LDB2: variants seen among roughly 807,000 people sequenced by gnomAD.
LDB2 encodes LIM domain binding 2.
A neutral mutation model predicts 44.3 loss-of-function variants in LDB2; 12 were observed. The ratio of observed to expected loss-of-function variants is 0.27; its 90% CI spans 0.17 to 0.44. LDB2 has a LOEUF of 0.44. Ranked by LOEUF, LDB2 falls within the 20% of genes least tolerant of loss-of-function variation. The probability of loss-of-function intolerance (pLI) is 1.00; values close to 1 mark genes in which losing one functional copy is unlikely to be tolerated. For missense variants in LDB2, 344 were observed against 473.5 expected, an observed-to-expected ratio of 0.73 and a Z score of 2.54; for synonymous variants, 164 against 174.8, an observed-to-expected ratio of 0.94 and a Z score of 0.49.
At chr4:16,895,688 T>C (rs79513353) in intron 1 of LDB2, among the ~76,000 whole-genome samples, 2,701 of 152,266 alleles carry the variant, frequency 0.018, 67 homozygotes, top group African/African-American at 0.062. Flanking sequence ...TTGTATGCTT[T>C]GGCTAAATTC....
chr4:16,563,064 T>G, intron 5 of LDB2, among the ~76,000 whole-genome samples: 2 of 148,126 alleles, frequency 1.4e-5, no homozygotes, highest in African/African-American at 2.5e-5. Context: ...TGGGGACTGT[T>G]GTGGGGTGGG....
At chr4:16,566,285 G>C (rs900340454) in intron 5 of LDB2, among the ~76,000 whole-genome samples, 3 of 151,730 alleles carry the variant, frequency 2.0e-5, no homozygotes, top group Non-Finnish European at 4.4e-5. Flanking sequence ...ATATTATAAA[G>C]AAATAATAAT....
intron 1 of LDB2, among the ~76,000 whole-genome samples, chr4:16,835,917 G>C (rs1784814080): frequency 6.6e-6 from 1 of 152,320 alleles, no homozygotes; most frequent in East Asian, 1.9e-4. Context: ...GAGCTCTAGT[G>C]ATGTGCTGGT....
intron 1 of LDB2, among the ~76,000 whole-genome samples, chr4:16,794,005 C>T (rs1366045289): frequency 6.6e-6 from 1 of 152,198 alleles, no homozygotes; most frequent in Non-Finnish European, 1.5e-5. Context: ...GGTCATTAAG[C>T]CATACTGCCT....
chr4:16,762,025 G>C (rs377469486), intron 1 of LDB2, among the ~76,000 whole-genome samples: 2 of 151,948 alleles, frequency 1.3e-5, no homozygotes, highest in Non-Finnish European at 2.9e-5. Context: ...AAACTAAATG[G>C]AATAGAAAAT....
rs186142702 is a variant in LDB2, at chr4:16,867,721, T to C, written c.132+30633A>G. Among the ~76,000 whole-genome samples the C allele has an allele frequency of 1.9e-3, 284 of 152,128 alleles. 1 individual carries two copies. The highest frequency in any genetic ancestry group is 6.5e-3 in the African/African-American group (270 of 41,500). Reference sequence around the variant, plus strand: ...TGATAATAGCACCAAGATTTCAAGGTGGTAGTTGGGAGCAATGGTGAAGAA... The same window carrying C: ...TGATAATAGCACCAAGATTTCAAGGCGGTAGTTGGGAGCAATGGTGAAGAA... On this transcript the variant is annotated intron_variant, in intron 1 of 7. Coordinates refer to ENST00000304523, the MANE Select transcript of LDB2 (RefSeq NM_001290.5).
At chr4:16,597,020 A>C (rs1241510187) in intron 2 of LDB2, among the ~76,000 whole-genome samples, 1 of 152,234 alleles carries the variant, frequency 6.6e-6, no homozygotes, top group African/African-American at 2.4e-5. Context: ...AAGATAAATA[A>C]ACTACCAAAG....
intron 5 of LDB2, 39 bp downstream of exon 5, chr4:16,585,877 ACTTTTC>A: frequency 6.9e-7 from 1 of 1,455,424 alleles, no homozygotes; most frequent in East Asian, 2.3e-5. Context: ...CCTCTGGAGT[ACTTTTC>A]AAACTCACCA....
intron 1 of LDB2, among the ~76,000 whole-genome samples, chr4:16,870,737 A>T (rs1207095087): frequency 6.6e-6 from 1 of 152,018 alleles, no homozygotes; most frequent in Non-Finnish European, 1.5e-5. Flanking sequence ...AGTTCAAGCG[A>T]TTCTCCTGCC....
At chr4:16,671,544 C>A (rs1334926669) in intron 2 of LDB2, among the ~76,000 whole-genome samples, 1 of 152,050 alleles carries the variant, frequency 6.6e-6, no homozygotes, top group Non-Finnish European at 1.5e-5. Flanking sequence ...CAGCCAATTC[C>A]CCAGAGAGTG....
At chr4:16,622,113 T>C (rs1729048983) in intron 2 of LDB2, among the ~76,000 whole-genome samples, 1 of 152,228 alleles carries the variant, frequency 6.6e-6, no homozygotes, top group South Asian at 2.1e-4. Context: ...ATAAATCTTT[T>C]GTTTTGCCTT....
At chr4:16,793,831 G>T (rs1338417157) in intron 1 of LDB2, among the ~76,000 whole-genome samples, 1 of 152,128 alleles carries the variant, frequency 6.6e-6, no homozygotes, top group Non-Finnish European at 1.5e-5. Flanking sequence ...AGTTAAGAGG[G>T]ACCAGAATGT....
At chr4:16,717,816 T>C (rs946418230) in intron 2 of LDB2, among the ~76,000 whole-genome samples, 1 of 152,160 alleles carries the variant, frequency 6.6e-6, no homozygotes, top group Non-Finnish European at 1.5e-5. Flanking sequence ...CTTCCCAGGC[T>C]CAAATCTTCT....
At chr4:16,575,451 T>G (rs959670196) in intron 5 of LDB2, among the ~76,000 whole-genome samples, 1 of 152,226 alleles carries the variant, frequency 6.6e-6, no homozygotes, top group Non-Finnish European at 1.5e-5. Context: ...AGAGACCAAA[T>G]GGACCTAATA....
At chr4:16,536,049 C>T (rs190988668) in intron 5 of LDB2, among the ~76,000 whole-genome samples, 46 of 152,322 alleles carry the variant, frequency 3.0e-4, no homozygotes, top group African/African-American at 1.1e-3. Flanking sequence ...CCCAACTATG[C>T]TTACTTTGTA....
chr4:16,834,832 A>G (rs1245950386), intron 1 of LDB2, among the ~76,000 whole-genome samples: 1 of 152,098 alleles, frequency 6.6e-6, no homozygotes, highest in East Asian at 1.9e-4. Flanking sequence ...ATCTCAAAAA[A>G]AAAAAAAGGC....
chr4:16,861,278 G>C (rs946208440), intron 1 of LDB2, among the ~76,000 whole-genome samples: 2 of 152,094 alleles, frequency 1.3e-5, no homozygotes, highest in Non-Finnish European at 1.5e-5. Flanking sequence ...CTGCAGGTCA[G>C]GGTTTCCCCA....
chr4:16,819,974 A>T (rs1781634847), intron 1 of LDB2, among the ~76,000 whole-genome samples: 1 of 152,122 alleles, frequency 6.6e-6, no homozygotes, highest in Non-Finnish European at 1.5e-5. Context: ...ATCTAAAATA[A>T]TGCAGACTCT....
chr4:16,692,298 A>G (rs1196140501), intron 2 of LDB2, among the ~76,000 whole-genome samples: 1 of 152,216 alleles, frequency 6.6e-6, no homozygotes, highest in African/African-American at 2.4e-5. Flanking sequence ...GCAGAAAATG[A>G]TCTTTGATTA....
Sources: gnomAD v4.1 joint callset for allele counts (sites outside exome capture counted in the v4.1 genomes callset) on GRCh38, gnomAD v4.1.1 for gene constraint, MANE v1.5 for transcripts, NCBI Gene and HGNC (gene_info 2026-07-23, HGNC 2026-07-21) for gene names.